The following HSF2BP variants were observed in gnomAD, a reference collection of about 807,000 sequenced individuals.
HSF2BP encodes heat shock transcription factor 2 binding protein.
HSF2BP carries 35 observed loss-of-function variants against 35.0 expected under a neutral mutation model. The observed-to-expected ratio is 1.00, with a 90% CI of 0.76 to 1.32. The LOEUF (loss-of-function observed/expected upper bound fraction) is 1.32, where lower values mean the gene tolerates loss of function less well. Among genes scored for constraint, HSF2BP ranks in the 40% most tolerant of loss-of-function variants. The pLI is 0.00. For synonymous variants in HSF2BP, 114 were observed against 117.4 expected (o/e 0.97, Z 0.18); for missense variants, 326 against 321.7 (o/e 1.01, Z -0.10).
At chr21:43,612,650 C>CAAAAA (rs762585967) in intron 7 of HSF2BP, among the ~76,000 whole-genome samples, 2 of 76,490 alleles carry the variant, frequency 2.6e-5, no homozygotes, top group Admixed American at 1.6e-4. Flanking sequence ...GACTCCGTCT[C>CAAAAA]AAAAAAAAAA....
At chr21:43,656,559 C>T (rs989306934) in intron 3 of HSF2BP, 28 bp downstream of exon 3, 1 of 1,599,948 alleles carries the variant, frequency 6.3e-7, no homozygotes, top group African/African-American at 1.3e-5. Context: ...ACTGTTACCA[C>T]CAATGACTGC....
chr21:43,637,486 A>AAAATAAATAAATAAAT (rs149222641), intron 4 of HSF2BP, among the ~76,000 whole-genome samples: 2 of 149,446 alleles, frequency 1.3e-5, no homozygotes, highest in Admixed American at 1.3e-4. Flanking sequence ...AGTAATTATA[A>AAAATAAATAAATAAAT]AAATAAATAA....
chr21:43,610,072 A>T (rs557938098), intron 7 of HSF2BP: 2 of 152,476 alleles, frequency 1.3e-5, no homozygotes, highest in African/African-American at 4.8e-5. Context: ...AGACCACAGA[A>T]GCAAAAGAGG....
chr21:43,614,562 T>C (rs1234875075), intron 6 of HSF2BP, among the ~76,000 whole-genome samples: 2 of 151,930 alleles, frequency 1.3e-5, no homozygotes, highest in East Asian at 3.9e-4. Flanking sequence ...GCAGTCAGGG[T>C]CCAAACATAA....
chr21:43,612,405 A>T (rs1284179235), intron 7 of HSF2BP, among the ~76,000 whole-genome samples: 6 of 152,178 alleles, frequency 3.9e-5, no homozygotes, highest in Non-Finnish European at 7.3e-5. Flanking sequence ...TAATCCCAGC[A>T]CTTTGGGAGG....
chr21:43,618,598 C>T (rs1388760268), intron 6 of HSF2BP, among the ~76,000 whole-genome samples: 5 of 152,102 alleles, frequency 3.3e-5, no homozygotes, highest in Non-Finnish European at 7.3e-5. Context: ...CTACCACACA[C>T]CATATACAAA....
At chr21:43,648,191 C>A (rs1382308609) in intron 3 of HSF2BP, among the ~76,000 whole-genome samples, 1 of 152,144 alleles carries the variant, frequency 6.6e-6, no homozygotes, top group African/African-American at 2.4e-5. Context: ...GGACAATCTC[C>A]ACCCTGATCT....
At chr21:43,636,090 G>A (rs1328465328) in intron 4 of HSF2BP, among the ~76,000 whole-genome samples, 1 of 151,218 alleles carries the variant, frequency 6.6e-6, no homozygotes, top group Non-Finnish European at 1.5e-5. Context: ...GCATGGTGAG[G>A]CTGAAGTAGG....
chr21:43,592,636 T>C (rs986818529), intron 7 of HSF2BP, among the ~76,000 whole-genome samples: 2 of 152,198 alleles, frequency 1.3e-5, no homozygotes, highest in Non-Finnish European at 2.9e-5. Context: ...TTACCAATCC[T>C]GCATTAACAT....
chr21:43,610,706 C>A (rs1341934992), intron 7 of HSF2BP, among the ~76,000 whole-genome samples: 1 of 152,170 alleles, frequency 6.6e-6, no homozygotes, highest in Non-Finnish European at 1.5e-5. Flanking sequence ...ACGTGGGAAA[C>A]ACGAACACTG....
chr21:43,657,866 T>G, intron 2 of HSF2BP, 195 bp downstream of exon 2: 1 of 985,474 alleles, frequency 1.0e-6, no homozygotes, highest in African/African-American at 1.7e-5. Flanking sequence ...CCGCGTGGGT[T>G]TGGAGGCGAA....
intron 5 of HSF2BP, 95 bp from the exon 6 acceptor site, chr21:43,630,549 T>TAAAA: frequency 7.4e-7 from 1 of 1,351,926 alleles, no homozygotes; most frequent in Non-Finnish European, 9.8e-7. Flanking sequence ...TAGTTTTAAT[T>TAAAA]GTAGAATATT....
chr21:43,630,682 T>C (rs1183124975), intron 5 of HSF2BP, among the ~76,000 whole-genome samples: 2 of 152,178 alleles, frequency 1.3e-5, no homozygotes, highest in Admixed American at 6.5e-5. Flanking sequence ...AAATATGATA[T>C]AGGACAAATG....
At chr21:43,605,965 C>T (rs144413967) in intron 7 of HSF2BP, among the ~76,000 whole-genome samples, 1,818 of 152,174 alleles carry the variant, frequency 0.012, 26 homozygotes, top group African/African-American at 0.041. Context: ...GAAGAAAAAG[C>T]AAAGGGGAGT....
In HSF2BP at chr21:43,644,336, T is replaced by C. The variant is rs1203993553; in HGVS notation, c.244A>G (p.Lys82Glu). 1 of 1,614,196 alleles carries C rather than the reference T, an allele frequency of 6.2e-7. No individual in the cohort carries two copies. The highest frequency in any genetic ancestry group is 1.1e-5 in the South Asian group (1 of 91,078). Residue 82 changes from lysine (K) to glutamate (E), a missense_variant, in exon 4 of 9, where the codon AAA becomes GAA. Lys to Glu is a moderately conservative substitution (Grantham distance 56, BLOSUM62 1). Coordinates refer to ENST00000291560, the MANE Select transcript of HSF2BP (RefSeq NM_007031.2). ...EQLKMDCEHF[K>E]ARLETVQADN... ...GCCTGCACGGTTTCCAGGCGGGCTT[T>C]AAAGTGCTCACAATCCATTTTCAGC...
chr21:43,659,461 G>T lies in HSF2BP; in HGVS notation c.-300C>A, dbSNP rs557626542. The T allele has an allele frequency of 4.6e-4, 165 of 361,068 alleles. No individual in the cohort carries two copies. Among genetic ancestry groups the T allele is most frequent in the Non-Finnish European group, 5.9e-4 (138 of 232,994 alleles). 22.4% of individuals were successfully genotyped at this position (361,068 alleles called of 1,614,324 possible). On this transcript the variant is annotated 5_prime_UTR_variant, in exon 1 of 9. Coordinates refer to ENST00000291560, the MANE Select transcript of HSF2BP (RefSeq NM_007031.2). The surrounding 1 kb of genome is among the most constrained non-coding windows in gnomAD (Gnocchi z 4.2). Reference sequence around the variant, plus strand: ...ACGTGCACACGGGCTGGGCCGCTCCGCCAGCTGCCAGGGCCACTGCCGCGC... The same window carrying T: ...ACGTGCACACGGGCTGGGCCGCTCCTCCAGCTGCCAGGGCCACTGCCGCGC...
At chr21:43,632,370 A>T (rs1456928435) in intron 5 of HSF2BP, among the ~76,000 whole-genome samples, 1 of 48,924 alleles carries the variant, frequency 2.0e-5, no homozygotes, top group Non-Finnish European at 3.6e-5. Flanking sequence ...GCTCCCACAC[A>T]CACACGCTCC....
chr21:43,619,906 G>T (rs2082312543), intron 6 of HSF2BP, among the ~76,000 whole-genome samples: 2 of 152,216 alleles, frequency 1.3e-5, no homozygotes, highest in Admixed American at 1.3e-4. Context: ...GGTCCCCTGG[G>T]CACAGACGCC....
intron 3 of HSF2BP, among the ~76,000 whole-genome samples, chr21:43,655,445 G>A (rs2082853764): frequency 6.6e-6 from 1 of 152,188 alleles, no homozygotes; most frequent in Admixed American, 6.5e-5. Context: ...GAACCACCAA[G>A]GGACAGCGAG....
Sources: gnomAD v4.1 joint callset for allele counts (sites outside exome capture counted in the v4.1 genomes callset) on GRCh38, gnomAD v4.1.1 for gene constraint, Gnocchi (gnomAD v3.1) non-coding constraint, MANE v1.5 for transcripts, NCBI Gene and HGNC (gene_info 2026-07-23, HGNC 2026-07-21) for gene names.